TAFA5: variants seen among roughly 807,000 people sequenced by gnomAD.
TAFA5 encodes TAFA chemokine like family member 5, also known as chemokine-like protein TAFA-5.
Under a neutral mutation model 15.3 loss-of-function variants are expected in TAFA5, and 6 were observed. That is an observed-to-expected ratio of 0.39 (90% CI 0.21 to 0.77). The LOEUF (loss-of-function observed/expected upper bound fraction) is 0.77, where lower values mean the gene tolerates loss of function less well. TAFA5 is among the 30% of genes least tolerant of loss of function. The pLI is 0.41. For synonymous variants in TAFA5, 103 were observed against 80.7 expected, an observed-to-expected ratio of 1.28 and a Z score of -1.48; for missense variants, 161 against 193.1, an observed-to-expected ratio of 0.83 and a Z score of 0.98.
chr22:48,739,736 G>A (rs1265378401), intron 3 of TAFA5, among the ~76,000 whole-genome samples: 5 of 152,078 alleles, frequency 3.3e-5, no homozygotes, highest in South Asian at 2.1e-4. Context: ...TGATGGCTCC[G>A]CCTGCCTCTC....
intron 1 of TAFA5, among the ~76,000 whole-genome samples, chr22:48,564,650 G>A (rs1312241482): frequency 3.3e-5 from 5 of 152,184 alleles, no homozygotes; most frequent in African/African-American, 1.2e-4. Flanking sequence ...CTTAGTTGAG[G>A]GCCACTCCTC....
chr22:48,620,412 G>C (rs1925759234), intron 1 of TAFA5, among the ~76,000 whole-genome samples: 1 of 152,070 alleles, frequency 6.6e-6, no homozygotes. Flanking sequence ...GCCCAGTTTG[G>C]AGTTGGACTT....
chr22:48,719,844 C>T (rs968235849), intron 3 of TAFA5, among the ~76,000 whole-genome samples: 3 of 152,090 alleles, frequency 2.0e-5, no homozygotes, highest in Non-Finnish European at 2.9e-5. Flanking sequence ...CGTATATGGC[C>T]GGCGCCACAT....
At chr22:48,630,393 A>C in intron 1 of TAFA5, among the ~76,000 whole-genome samples, 1 of 152,292 alleles carries the variant, frequency 6.6e-6, no homozygotes, top group Middle Eastern at 3.4e-3. Flanking sequence ...GGCACAGAGA[A>C]AAGGAGGCTT....
intron 1 of TAFA5, among the ~76,000 whole-genome samples, chr22:48,582,273 A>T (rs920236888): frequency 6.6e-6 from 1 of 151,944 alleles, no homozygotes; most frequent in Non-Finnish European, 1.5e-5. Flanking sequence ...TGCACACACT[A>T]CACACCATAT....
chr22:48,632,814 G>T (rs1356297963), intron 1 of TAFA5, among the ~76,000 whole-genome samples: 1 of 152,218 alleles, frequency 6.6e-6, no homozygotes, highest in African/African-American at 2.4e-5. Flanking sequence ...AGGCTCCAGG[G>T]CGGAGTCTCT....
At chr22:48,555,325 C>T (rs1200594319) in intron 1 of TAFA5, among the ~76,000 whole-genome samples, 1 of 152,214 alleles carries the variant, frequency 6.6e-6, no homozygotes, top group African/African-American at 2.4e-5. Context: ...TCCTCCCTTT[C>T]GCTCTCAGAG....
At chr22:48,547,513 A>C (rs1466520241) in intron 1 of TAFA5, 1 of 152,260 alleles carries the variant, frequency 6.6e-6, no homozygotes, top group African/African-American at 2.4e-5. Flanking sequence ...GACGGGCACC[A>C]GCCATGGTTG....
intron 1 of TAFA5, among the ~76,000 whole-genome samples, chr22:48,579,977 C>T: frequency 6.6e-6 from 1 of 152,126 alleles, no homozygotes; most frequent in East Asian, 1.9e-4. Context: ...CTTTTGGTGG[C>T]AGGGGAGTGC....
At chr22:48,543,121 C>T (rs572034482) in intron 1 of TAFA5, among the ~76,000 whole-genome samples, 3 of 152,088 alleles carry the variant, frequency 2.0e-5, no homozygotes, top group East Asian at 3.9e-4. Context: ...GAGCCCTCCA[C>T]GTCCTCCCCT....
At chr22:48,597,657 T>G (rs1038943624) in intron 1 of TAFA5, among the ~76,000 whole-genome samples, 5 of 152,274 alleles carry the variant, frequency 3.3e-5, no homozygotes, top group Non-Finnish European at 5.9e-5. Flanking sequence ...CCCCACCACA[T>G]GCGGTTATAT....
At chr22:48,515,835 T>C (rs1375974623) in intron 1 of TAFA5, among the ~76,000 whole-genome samples, 1 of 151,482 alleles carries the variant, frequency 6.6e-6, no homozygotes, top group Admixed American at 6.6e-5. Flanking sequence ...GGCCAGGGGA[T>C]GGGGGTCTCT....
chr22:48,646,536 G>C, intron 1 of TAFA5, 61 bp from the exon 2 acceptor site: 1 of 1,578,318 alleles, frequency 6.3e-7, no homozygotes, highest in Non-Finnish European at 8.6e-7. Context: ...CTCTGGGTGG[G>C]CTCTGGCTGT....
intron 1 of TAFA5, among the ~76,000 whole-genome samples, chr22:48,492,504 C>T (rs1263422998): frequency 6.6e-6 from 1 of 152,140 alleles, no homozygotes. Flanking sequence ...CAGTGAGAGT[C>T]CGGCCTTCTT....
intron 1 of TAFA5, among the ~76,000 whole-genome samples, chr22:48,526,767 C>T (rs374575930): frequency 6.6e-6 from 1 of 152,346 alleles, no homozygotes; most frequent in East Asian, 1.9e-4. Context: ...TGCAAGACGG[C>T]ACTTTCATTG....
intron 1 of TAFA5, among the ~76,000 whole-genome samples, chr22:48,613,088 G>A (rs73889177): frequency 0.022 from 3,366 of 152,298 alleles, 149 homozygotes; most frequent in African/African-American, 0.076. Context: ...GTGCAGCCCG[G>A]CCATTTCCAG....
chr22:48,569,438 C>A (rs1034851339), intron 1 of TAFA5, among the ~76,000 whole-genome samples: 1 of 152,138 alleles, frequency 6.6e-6, no homozygotes, highest in South Asian at 2.1e-4. Context: ...TGTTTTGTGA[C>A]CTCTGGGATG....
chr22:48,722,728 A>G (rs1362357476), intron 3 of TAFA5, among the ~76,000 whole-genome samples: 3 of 152,218 alleles, frequency 2.0e-5, no homozygotes, highest in Non-Finnish European at 4.4e-5. Flanking sequence ...AAAAGAAAGT[A>G]AGATCAACAT....
chr22:48,523,436 A>G (rs1202749275), intron 1 of TAFA5, among the ~76,000 whole-genome samples: 1 of 152,182 alleles, frequency 6.6e-6, no homozygotes, highest in Non-Finnish European at 1.5e-5. Flanking sequence ...TGAATCACTT[A>G]TCTCCTGGCT....
Sources: gnomAD v4.1 joint callset for allele counts (sites outside exome capture counted in the v4.1 genomes callset) on GRCh38, gnomAD v4.1.1 for gene constraint, MANE v1.5 for transcripts, NCBI Gene and HGNC (gene_info 2026-07-23, HGNC 2026-07-21) for gene names.